Variants in ATP10A observed in about 807,000 individuals in gnomAD.
ATP10A encodes ATPase phospholipid transporting 10A (putative).
A neutral mutation model predicts 147.8 loss-of-function variants in ATP10A; 111 were observed. The ratio of observed to expected loss-of-function variants is 0.75; its 90% CI spans 0.64 to 0.88. The LOEUF (loss-of-function observed/expected upper bound fraction) is 0.88, where lower values mean the gene tolerates loss of function less well. ATP10A is among the 40% of genes least tolerant of loss of function. The pLI is 0.00. For missense variants in ATP10A, 1,927 were observed against 1,959.0 expected, an observed-to-expected ratio of 0.98 and a Z score of 0.31; for synonymous variants, 875 against 841.6, an observed-to-expected ratio of 1.04 and a Z score of -0.69.
intron 3 of ATP10A, among the ~76,000 whole-genome samples, chr15:25,729,323 G>A (rs1164001427): frequency 6.6e-6 from 1 of 152,160 alleles, no homozygotes; most frequent in Non-Finnish European, 1.5e-5. Flanking sequence ...CCCGTCACCA[G>A]GTGTCCTTGA....
At chr15:25,822,776 A>G (rs11635674) in intron 1 of ATP10A, among the ~76,000 whole-genome samples, 23,831 of 152,252 alleles carry the variant, frequency 0.16, 2,061 homozygotes, top group Middle Eastern at 0.29. Context: ...TATACCTTAT[A>G]CAAAGCAGTA....
chr15:25,771,654 A>C (rs905511573), intron 2 of ATP10A, among the ~76,000 whole-genome samples: 1 of 152,140 alleles, frequency 6.6e-6, no homozygotes. Flanking sequence ...GAAGTCTCAC[A>C]GGAAAGTGAC....
At chr15:25,700,170 A>T (rs1900581345) in intron 13 of ATP10A, among the ~76,000 whole-genome samples, 1 of 152,212 alleles carries the variant, frequency 6.6e-6, no homozygotes, top group Non-Finnish European at 1.5e-5. Flanking sequence ...TGCAAATTAA[A>T]ACCATAACAA....
chr15:25,845,051 C>G (rs1892957106), intron 1 of ATP10A, among the ~76,000 whole-genome samples: 1 of 152,140 alleles, frequency 6.6e-6, no homozygotes. Context: ...TCCACAAATC[C>G]CCCCCAAACA....
intron 4 of ATP10A, among the ~76,000 whole-genome samples, chr15:25,726,804 C>A (rs1173363280): frequency 6.6e-6 from 1 of 151,048 alleles, no homozygotes; most frequent in Non-Finnish European, 1.5e-5. Context: ...GTAATCCCAG[C>A]ACTTTGGGAG....
At chr15:25,675,204 C>T (rs913068174), downstream of ATP10A, among the ~76,000 whole-genome samples, 18 of 152,136 alleles carry the variant, frequency 1.2e-4, no homozygotes, top group African/African-American at 4.1e-4. Flanking sequence ...CAAGTCTGAG[C>T]CATGTCGTAC....
intron 2 of ATP10A, among the ~76,000 whole-genome samples, chr15:25,761,835 G>A (rs925174441): frequency 6.6e-6 from 1 of 152,218 alleles, no homozygotes; most frequent in Non-Finnish European, 1.5e-5. Flanking sequence ...TGTCTCAAAT[G>A]AGACTTCGGA....
chr15:25,806,690 A>G (rs1429098644), intron 1 of ATP10A, among the ~76,000 whole-genome samples: 1 of 152,208 alleles, frequency 6.6e-6, no homozygotes, highest in East Asian at 1.9e-4. Context: ...CTAACGTACA[A>G]AATATGAGTT....
chr15:25,797,023 A>C (rs1890703558), intron 1 of ATP10A, among the ~76,000 whole-genome samples: 1 of 152,174 alleles, frequency 6.6e-6, no homozygotes, highest in African/African-American at 2.4e-5. Flanking sequence ...GCAATTTTGA[A>C]ATACACATTG....
intron 2 of ATP10A, among the ~76,000 whole-genome samples, chr15:25,745,391 C>T (rs528506800): frequency 2.2e-4 from 34 of 151,430 alleles, no homozygotes; most frequent in Middle Eastern, 3.5e-3. Context: ...TTGTTACTGG[C>T]ACACAAAAAC....
chr15:25,736,593 T>C (rs952094251), intron 2 of ATP10A, among the ~76,000 whole-genome samples: 1 of 152,144 alleles, frequency 6.6e-6, no homozygotes, highest in East Asian at 1.9e-4. Flanking sequence ...GGATCTTTGA[T>C]GAAAAAGATT....
At chr15:25,809,932 G>T (rs1463113104) in intron 1 of ATP10A, among the ~76,000 whole-genome samples, 1 of 151,190 alleles carries the variant, frequency 6.6e-6, no homozygotes, top group African/African-American at 2.4e-5. Flanking sequence ...GTTCCAAGTC[G>T]CCCAAGCTGG....
intron 2 of ATP10A, 44 bp downstream of exon 2, chr15:25,780,975 G>A (rs377526577): frequency 9.4e-6 from 15 of 1,593,254 alleles, no homozygotes; most frequent in Non-Finnish European, 1.2e-5. Flanking sequence ...GGGACACTGT[G>A]TGGCTGTAAT....
intron 16 of ATP10A, 65 bp from the exon 17 acceptor site, chr15:25,683,551 G>C: frequency 6.8e-7 from 1 of 1,467,294 alleles, no homozygotes; most frequent in Non-Finnish European, 9.3e-7. Context: ...ATTCTCATCC[G>C]AGGGAGCTGA....
chr15:25,780,675 G>T (rs1018376523), intron 2 of ATP10A, among the ~76,000 whole-genome samples: 1 of 152,224 alleles, frequency 6.6e-6, no homozygotes, highest in African/African-American at 2.4e-5. Context: ...GACTCCTGCT[G>T]CGTTGCCATT....
At chr15:25,699,685 G>A (rs1900553232) in intron 13 of ATP10A, among the ~76,000 whole-genome samples, 1 of 151,976 alleles carries the variant, frequency 6.6e-6, no homozygotes, top group South Asian at 2.1e-4. Flanking sequence ...CCTGGGCAAC[G>A]CTGGGGCATC....
chr15:25,723,839 A>G, intron 6 of ATP10A, 52 bp downstream of exon 6: 1 of 1,448,286 alleles, frequency 6.9e-7, no homozygotes, highest in Non-Finnish European at 9.2e-7. Flanking sequence ...GATGATTTTA[A>G]GTTCTCTTCA....
chr15:25,760,401 C>T (rs768780843), intron 2 of ATP10A, among the ~76,000 whole-genome samples: 7 of 152,126 alleles, frequency 4.6e-5, no homozygotes, highest in East Asian at 1.9e-4. Context: ...TTATGGTTCA[C>T]GAATAACCAA....
rs767044156 is a variant in ATP10A, at chr15:25,726,086, TC to T, written c.848-5del. 6.2e-7 allele frequency: 1 copy of T among 1,613,252 alleles called. No individual in the cohort carries two copies. Among genetic ancestry groups the T allele is most frequent in the Admixed American group, 1.7e-5 (1 of 59,986 alleles). On this transcript the variant is annotated splice_polypyrimidine_tract_variant and splice_region_variant and intron_variant, in intron 4 of 20. Transcript: ENST00000555815. The stretch of plus-strand genomic sequence containing the variant: ...AGCAGAGCCTTGGTTTCATGTCCTG[TC>T]GGGGAGGACAAAGAGACATGGCAAG...
Sources: allele counts gnomAD v4.1 joint callset (sites outside exome capture counted in the v4.1 genomes callset), GRCh38; gene constraint gnomAD v4.1.1; transcripts MANE v1.5; gene names NCBI Gene and HGNC (gene_info 2026-07-23, HGNC 2026-07-21).